Variants in RAPGEF4 observed in about 807,000 individuals in gnomAD.
RAPGEF4 encodes the protein Rap guanine nucleotide exchange factor 4, also known as RAP guanine-nucleotide-exchange factor (GEF) 4.
A neutral mutation model predicts 147.9 loss-of-function variants in RAPGEF4; 66 were observed. That is an observed-to-expected ratio of 0.45 (90% CI 0.37 to 0.55). The LOEUF (loss-of-function observed/expected upper bound fraction) is 0.55, where lower values mean the gene tolerates loss of function less well. Ranked by LOEUF, RAPGEF4 falls within the 20% of genes least tolerant of loss-of-function variation. The probability of loss-of-function intolerance (pLI) is 0.00; values close to 1 mark genes in which losing one functional copy is unlikely to be tolerated. For synonymous variants in RAPGEF4, 419 were observed against 442.7 expected (o/e 0.95, Z 0.67); for missense variants, 1,071 against 1,257.3 (o/e 0.85, Z 2.24).
At chr2:172,959,674 T>G (rs1689085338) in intron 6 of RAPGEF4, among the ~76,000 whole-genome samples, 1 of 151,666 alleles carries the variant, frequency 6.6e-6, no homozygotes, top group South Asian at 2.1e-4. Context: ...CCGTTTGGAA[T>G]ATCATTACCA....
chr2:172,816,750 G>T lies in RAPGEF4; in HGVS notation c.444+2325G>T, dbSNP rs187316004. Among the ~76,000 whole-genome samples the T allele has an allele frequency of 9.5e-4, 145 of 152,250 alleles. 2 individuals are homozygous for T. The highest frequency in any genetic ancestry group is 4.6e-4 in the Admixed American group (7 of 15,288). ...CTTGCCAGTGGCATAAGTGTACTGGGGACGACATTCAGAGAGCCATTTGGA... is the reference window on the plus strand; with the variant it reads ...CTTGCCAGTGGCATAAGTGTACTGGTGACGACATTCAGAGAGCCATTTGGA... On this transcript the variant is annotated intron_variant, in intron 4 of 30. Transcript: ENST00000397081.
chr2:172,988,839 G>C lies in RAPGEF4; in HGVS notation c.1374G>C (p.Arg458Ser), dbSNP rs1169084481. 2.5e-6 allele frequency: 4 copies of C among 1,613,326 alleles called. No homozygotes were observed. The highest frequency in any genetic ancestry group is 3.4e-6 in the Non-Finnish European group (4 of 1,179,838). The change falls in exon 14 of 31, where the codon AGG becomes AGC. Residue 458 changes from arginine (R) to serine (S), a missense_variant and splice_region_variant. Arg to Ser is a moderately radical substitution (Grantham distance 110, BLOSUM62 -1). Coordinates refer to ENST00000397081, the MANE Select transcript of RAPGEF4 (RefSeq NM_007023.4). ...AGGAGGATTTCAACCGGATCCTAAG[G>C]GTGAGTCCAAAGCAAAGTGTGGCTG... The part of the protein sequence containing the change: ...VDKEDFNRIL[R>S]DVEANTVRLK...
chr2:172,924,639 G>A lies in RAPGEF4; in HGVS notation c.537+2339G>A, dbSNP rs114368497. Among the ~76,000 whole-genome samples the A allele has an allele frequency of 3.2e-3, 488 of 152,266 alleles. 2 individuals are homozygous for A. The highest frequency in any genetic ancestry group is 0.011 in the African/African-American group (455 of 41,546). On this transcript the variant is annotated intron_variant, in intron 6 of 30. Transcript: ENST00000397081. ...ACAGCAAATGAAATGAAAGACATTC[G>A]TGAGCAAAGTTGAAGCGCTAGAAAG...
chr2:172,878,649 C>T (rs1174940646), intron 4 of RAPGEF4, among the ~76,000 whole-genome samples: 1 of 152,126 alleles, frequency 6.6e-6, no homozygotes, highest in Non-Finnish European at 1.5e-5. Flanking sequence ...AGAAACAACA[C>T]CTGGATGAGA....
chr2:172,816,196 G>T (rs1206486939), intron 4 of RAPGEF4, among the ~76,000 whole-genome samples: 2 of 151,598 alleles, frequency 1.3e-5, no homozygotes, highest in Non-Finnish European at 2.9e-5. Flanking sequence ...TTATAGCTTT[G>T]TTTCAAACCA....
chr2:172,951,526 G>A lies in RAPGEF4; in HGVS notation c.538-9234G>A, dbSNP rs137869902. The stretch of plus-strand genomic sequence containing the variant: ...TATCCAGTGTGATAAATGCTATAGC[G>A]AGAGGGGTAAAGAGTGCCAGATATG... On this transcript the variant is annotated intron_variant, in intron 6 of 30. Coordinates refer to ENST00000397081, the MANE Select transcript of RAPGEF4 (RefSeq NM_007023.4). 4.0e-3 allele frequency among the ~76,000 whole-genome samples: 611 copies of A among 152,334 alleles called. 3 individuals carry two copies. The highest frequency in any genetic ancestry group is 0.022 in the South Asian group (107 of 4,818).
intron 4 of RAPGEF4, among the ~76,000 whole-genome samples, chr2:172,867,838 T>A (rs1191156970): frequency 6.6e-6 from 1 of 152,272 alleles, no homozygotes; most frequent in Non-Finnish European, 1.5e-5. Context: ...CTTTGAGCCC[T>A]AATTACATTT....
At chr2:172,818,189 G>A (rs1688702839) in intron 4 of RAPGEF4, among the ~76,000 whole-genome samples, 1 of 151,802 alleles carries the variant, frequency 6.6e-6, no homozygotes. Context: ...TTGGGGGAAA[G>A]GGGAGAGAGG....
chr2:172,750,314 C>T (rs561100400), intron 1 of RAPGEF4, among the ~76,000 whole-genome samples: 41 of 152,146 alleles, frequency 2.7e-4, no homozygotes, highest in East Asian at 5.8e-4. Context: ...CACAATTCCA[C>T]GTGGCTGGGG....
intron 10 of RAPGEF4, among the ~76,000 whole-genome samples, chr2:172,974,367 T>A (rs1690836145): frequency 6.6e-6 from 1 of 152,046 alleles, no homozygotes; most frequent in South Asian, 2.1e-4. Context: ...AAAGGAAAGG[T>A]GTCAGGGAAA....
intron 4 of RAPGEF4, among the ~76,000 whole-genome samples, chr2:172,823,378 T>C (rs1689293003): frequency 1.3e-5 from 2 of 152,216 alleles, no homozygotes; most frequent in Admixed American, 1.3e-4. Flanking sequence ...TCATGTGTTG[T>C]GATTCCAAAT....
chr2:172,797,670 C>G (rs1248208355), intron 3 of RAPGEF4, 57 bp downstream of exon 3: 8 of 1,310,676 alleles, frequency 6.1e-6, no homozygotes, highest in Non-Finnish European at 8.6e-6. Context: ...ACTTATTATC[C>G]CTATGTCTTT....
At chr2:172,885,877 T>C (rs768147835) in intron 4 of RAPGEF4, among the ~76,000 whole-genome samples, 1 of 152,116 alleles carries the variant, frequency 6.6e-6, no homozygotes, top group African/African-American at 2.4e-5. Context: ...GAACCTTTCA[T>C]GGTTTCCTCT....
intron 4 of RAPGEF4, among the ~76,000 whole-genome samples, chr2:172,905,229 G>A (rs1022437560): frequency 4.0e-5 from 6 of 151,692 alleles, no homozygotes; most frequent in African/African-American, 1.2e-4. Context: ...TTTCCTTTCC[G>A]GCATCTAGCG....
chr2:173,013,517 T>A (rs974335831), intron 17 of RAPGEF4, among the ~76,000 whole-genome samples: 1 of 152,252 alleles, frequency 6.6e-6, no homozygotes, highest in Non-Finnish European at 1.5e-5. Flanking sequence ...TTTTATGAAC[T>A]AATTATCTAT....
chr2:172,791,256 C>A (rs988160838), intron 1 of RAPGEF4, among the ~76,000 whole-genome samples: 1 of 152,130 alleles, frequency 6.6e-6, no homozygotes, highest in Non-Finnish European at 1.5e-5. Context: ...TAGACCATAG[C>A]AGAGGGTGAG....
intron 4 of RAPGEF4, among the ~76,000 whole-genome samples, chr2:172,819,081 AC>A (rs1688793491): frequency 2.0e-5 from 3 of 152,154 alleles, no homozygotes; most frequent in Admixed American, 2.0e-4. Context: ...GCAGCTTGGC[AC>A]TTTTTTTTCT....
chr2:172,952,241 G>T (rs950552221), intron 6 of RAPGEF4, among the ~76,000 whole-genome samples: 2 of 152,028 alleles, frequency 1.3e-5, no homozygotes, highest in Admixed American at 6.5e-5. Context: ...TGTAATAAGT[G>T]CCAGTCCATG....
At chr2:173,025,074 A>C (rs1049077082) in intron 23 of RAPGEF4, among the ~76,000 whole-genome samples, 4 of 152,196 alleles carry the variant, frequency 2.6e-5, no homozygotes, top group Non-Finnish European at 2.9e-5. Flanking sequence ...ATAACTTCCC[A>C]AAAATTCATT....
Sources: gnomAD v4.1 joint callset for allele counts (sites outside exome capture counted in the v4.1 genomes callset) on GRCh38, gnomAD v4.1.1 for gene constraint, MANE v1.5 for transcripts, NCBI Gene and HGNC (gene_info 2026-07-23, HGNC 2026-07-21) for gene names.